The following TGFBR3 variants were observed in gnomAD, a reference collection of about 807,000 sequenced individuals.
TGFBR3 encodes transforming growth factor beta receptor type 3.
Under a neutral mutation model 87.9 loss-of-function variants are expected in TGFBR3, and 46 were observed. The observed-to-expected ratio is 0.52, with a 90% CI of 0.41 to 0.67. The LOEUF is 0.67. Among genes scored for constraint, TGFBR3 ranks in the 30% least tolerant of loss-of-function variants. The pLI is 0.00. For missense variants in TGFBR3, 866 were observed against 1,041.9 expected (o/e 0.83, Z 2.32); for synonymous variants, 381 against 391.6 (o/e 0.97, Z 0.32).
intron 4 of TGFBR3, chr1:91,754,887 A>AT (rs1350935929): frequency 1.3e-5 from 2 of 152,162 alleles, no homozygotes; most frequent in Admixed American, 6.5e-5. Context: ...TCATTGCCCT[A>AT]TTTAAAAAAA....
At chr1:91,782,481 A>G (rs769343820) in intron 3 of TGFBR3, among the ~76,000 whole-genome samples, 18 of 152,220 alleles carry the variant, frequency 1.2e-4, no homozygotes, top group Non-Finnish European at 2.4e-4. Context: ...CTTTACCTTC[A>G]GAAACTGCTG....
At chr1:91,708,384 T>C (rs2100750325) in intron 14 of TGFBR3, among the ~76,000 whole-genome samples, 1 of 152,268 alleles carries the variant, frequency 6.6e-6, no homozygotes, top group Admixed American at 6.5e-5. Context: ...GGAAGCATAT[T>C]TGAATGCAAG....
chr1:91,724,812 A>G (rs143968263), intron 7 of TGFBR3, among the ~76,000 whole-genome samples: 1 of 152,316 alleles, frequency 6.6e-6, no homozygotes, highest in African/African-American at 2.4e-5. Context: ...CATGAAAGAT[A>G]AGGAGTTAAG....
At chr1:91,891,485 T>C (rs1271242347) in intron 2 of TGFBR3, among the ~76,000 whole-genome samples, 2 of 150,248 alleles carry the variant, frequency 1.3e-5, no homozygotes, top group Non-Finnish European at 3.0e-5. Flanking sequence ...GCAACAGAAC[T>C]GAGATCTGTC....
chr1:91,768,689 G>T (rs1312362064), intron 3 of TGFBR3, among the ~76,000 whole-genome samples: 1 of 152,180 alleles, frequency 6.6e-6, no homozygotes, highest in African/African-American at 2.4e-5. Flanking sequence ...TGTAAGATGT[G>T]TCTGCTTTCC....
At chr1:91,824,000 C>T (rs1676544103) in intron 2 of TGFBR3, among the ~76,000 whole-genome samples, 1 of 152,098 alleles carries the variant, frequency 6.6e-6, no homozygotes, top group Admixed American at 6.5e-5. Flanking sequence ...TTTAGTGGTG[C>T]ACACCTGTAG....
intron 12 of TGFBR3, 61 bp downstream of exon 12, chr1:91,716,175 T>C: frequency 6.2e-7 from 1 of 1,602,230 alleles, no homozygotes; most frequent in Non-Finnish European, 8.5e-7. Context: ...TTTTAGCTGA[T>C]GTCTAAGGAA....
At chr1:91,782,361 G>A (rs867325520) in intron 3 of TGFBR3, among the ~76,000 whole-genome samples, 18 of 152,300 alleles carry the variant, frequency 1.2e-4, no homozygotes, top group South Asian at 8.3e-4. Context: ...GAAGATGCCC[G>A]AATTTAAGAC....
In TGFBR3 at chr1:91,815,962, C is replaced by T. The variant is rs574380358; in HGVS notation, c.62-18491G>A. Among the ~76,000 whole-genome samples the T allele has an allele frequency of 2.7e-3, 412 of 152,194 alleles. 3 individuals carry two copies. Among genetic ancestry groups the T allele is most frequent in the African/African-American group, 9.6e-3 (399 of 41,528 alleles). On this transcript the variant is annotated intron_variant, in intron 2 of 16. Coordinates refer to ENST00000212355, the MANE Select transcript of TGFBR3 (RefSeq NM_003243.5). ...CTTGTATATTCATTACCTAATGAAA[C>T]GGGGGCTTTAGAAGTGGGAATTCTG...
chr1:91,692,890 A>C (rs2765887), intron 16 of TGFBR3, among the ~76,000 whole-genome samples: 1 of 151,994 alleles, frequency 6.6e-6, no homozygotes, highest in South Asian at 2.1e-4. Flanking sequence ...TAAACAAAGG[A>C]AAAGTTATTC....
chr1:91,739,993 C>A (rs767763940), intron 4 of TGFBR3, among the ~76,000 whole-genome samples: 1 of 152,160 alleles, frequency 6.6e-6, no homozygotes, highest in African/African-American at 2.4e-5. Flanking sequence ...TCTTCCCATC[C>A]CCATGATCTA....
At chr1:91,699,848 T>C (rs1671562222) in intron 14 of TGFBR3, among the ~76,000 whole-genome samples, 1 of 152,226 alleles carries the variant, frequency 6.6e-6, no homozygotes, top group East Asian at 1.9e-4. Context: ...ATGAAGTAAC[T>C]ATTTGTGCAC....
At chr1:91,896,919 T>TC (rs1188575053) in intron 2 of TGFBR3, among the ~76,000 whole-genome samples, 1 of 15,390 alleles carries the variant, frequency 6.5e-5, no homozygotes, top group Non-Finnish European at 1.6e-4. Context: ...CTTTTTCTTT[T>TC]CTTTTTTTTT....
At chr1:91,688,637 G>A (rs932865933) in intron 16 of TGFBR3, among the ~76,000 whole-genome samples, 5 of 152,148 alleles carry the variant, frequency 3.3e-5, no homozygotes, top group Non-Finnish European at 7.4e-5. Flanking sequence ...GTTTCACAGA[G>A]CATAATAAAA....
At chr1:91,722,184 T>A in intron 7 of TGFBR3, 40 bp from the exon 8 acceptor site, 1 of 1,490,042 alleles carries the variant, frequency 6.7e-7, no homozygotes, top group Non-Finnish European at 9.4e-7. Flanking sequence ...AGTCTAAAAT[T>A]AAACAGTACT....
chr1:91,882,367 C>T lies in TGFBR3; in HGVS notation c.-114+3511G>A, dbSNP rs1001932921. 2.6e-5 allele frequency among the ~76,000 whole-genome samples: 4 copies of T among 151,662 alleles called. No homozygotes were observed. The South Asian group carries it at 8.3e-4, about 32-fold the overall frequency. The stretch of plus-strand genomic sequence containing the variant: ...GGCCAGGCTGGTCTCGAACTCCTGA[C>T]CTCAAGTGATCCACCTGCCTCGGCC... On this transcript the variant is annotated intron_variant, in intron 1 of 16. Coordinates refer to ENST00000212355, the MANE Select transcript of TGFBR3 (RefSeq NM_003243.5).
chr1:91,710,426 A>C (rs1671938241), intron 13 of TGFBR3, among the ~76,000 whole-genome samples: 1 of 152,114 alleles, frequency 6.6e-6, no homozygotes, highest in Non-Finnish European at 1.5e-5. Context: ...GTTAAGCAAG[A>C]GTCTATGATT....
At chr1:91,809,571 G>T (rs2101035365) in intron 2 of TGFBR3, among the ~76,000 whole-genome samples, 1 of 152,270 alleles carries the variant, frequency 6.6e-6, no homozygotes, top group African/African-American at 2.4e-5. Flanking sequence ...GCAAACTTTT[G>T]GTTTGGCTGT....
chr1:91,690,931 A>G (rs1671241694), intron 16 of TGFBR3, among the ~76,000 whole-genome samples: 1 of 152,182 alleles, frequency 6.6e-6, no homozygotes, highest in African/African-American at 2.4e-5. Context: ...TCATTCTTAA[A>G]TAATCCTATA....
Sources: allele counts gnomAD v4.1 joint callset (sites outside exome capture counted in the v4.1 genomes callset), GRCh38; gene constraint gnomAD v4.1.1; transcripts MANE v1.5; gene names NCBI Gene and HGNC (gene_info 2026-07-23, HGNC 2026-07-21).